Variants in IFIH1 observed in about 807,000 individuals in gnomAD.
IFIH1 encodes interferon induced with helicase C domain 1, also known as interferon-induced helicase C domain-containing protein 1.
Under a neutral mutation model 107.4 loss-of-function variants are expected in IFIH1, and 125 were observed. The ratio of observed to expected loss-of-function variants is 1.16; its 90% CI spans 1.01 to 1.35. The LOEUF is 1.35. IFIH1 is among the 40% of genes most tolerant of loss of function. The probability of loss-of-function intolerance (pLI) is 0.00; values close to 1 mark genes in which losing one functional copy is unlikely to be tolerated. For missense variants in IFIH1, 1,333 were observed against 1,213.7 expected (o/e 1.10, Z -1.46); for synonymous variants, 458 against 413.2 (o/e 1.11, Z -1.31).
chr2:162,316,898 TA>T (rs1240975213), intron 1 of IFIH1, among the ~76,000 whole-genome samples: 1 of 152,152 alleles, frequency 6.6e-6, no homozygotes, highest in African/African-American at 2.4e-5. Flanking sequence ...AATGCTACCT[TA>T]AGAAAAATGA....
At position 162,277,463 on chromosome 2, in the gene IFIH1, G is replaced by C. The variant is rs376074455; in HGVS notation, c.1996C>G (p.Pro666Ala). ...GDEDEDDLKK[P>A]LKLDETDRFL... ...CTATCTGTTTCATCCAGTTTCAAAGGTTTCTTTAAATCATCCTCATCTTCA... is the reference window on the plus strand; with the variant it reads ...CTATCTGTTTCATCCAGTTTCAAAGCTTTCTTTAAATCATCCTCATCTTCA... Residue 666 changes from proline to alanine, a missense_variant, in exon 10 of 16, where the codon CCT becomes GCT. By Grantham distance (27) the Pro-to-Ala change is conservative. Coordinates refer to ENST00000649979, the MANE Select transcript of IFIH1 (RefSeq NM_022168.4). 1.2e-6 allele frequency: 2 copies of C among 1,608,618 alleles called. No homozygotes were observed. The highest frequency in any genetic ancestry group is 1.7e-6 in the Non-Finnish European group (2 of 1,176,152).
intron 3 of IFIH1, among the ~76,000 whole-genome samples, chr2:162,299,734 A>AGT (rs977868761): frequency 1.3e-5 from 2 of 152,026 alleles, no homozygotes; most frequent in African/African-American, 2.4e-5. Flanking sequence ...TACTTTTAAA[A>AGT]GTGTGTGTGT....
chr2:162,297,811 T>C (rs1683119455), intron 3 of IFIH1, among the ~76,000 whole-genome samples: 1 of 152,092 alleles, frequency 6.6e-6, no homozygotes, highest in East Asian at 1.9e-4. Context: ...TTTCATAATT[T>C]TGTAAACAAC....
intron 1 of IFIH1, among the ~76,000 whole-genome samples, chr2:162,316,626 A>AT (rs1463863922): frequency 6.6e-6 from 1 of 152,186 alleles, no homozygotes; most frequent in Non-Finnish European, 1.5e-5. Context: ...TTGTATGAAT[A>AT]TACAAACAAT....
At chr2:162,294,169 T>C (rs1683045652) in intron 3 of IFIH1, among the ~76,000 whole-genome samples, 1 of 152,020 alleles carries the variant, frequency 6.6e-6, no homozygotes, top group East Asian at 1.9e-4. Flanking sequence ...CAAAGAGAAT[T>C]TGTTCAAAAA....
chr2:162,270,375 C>A (rs997877217), intron 13 of IFIH1, among the ~76,000 whole-genome samples: 2 of 152,174 alleles, frequency 1.3e-5, no homozygotes, highest in African/African-American at 2.4e-5. Context: ...CAATTCTCAT[C>A]ATTCATTAGT....
intron 3 of IFIH1, among the ~76,000 whole-genome samples, chr2:162,305,420 A>G (rs776124266): frequency 6.6e-6 from 1 of 151,968 alleles, no homozygotes; most frequent in African/African-American, 2.4e-5. Flanking sequence ...AAATACAAAA[A>G]TTAGCCGGGC....
Position 162,318,565 on chromosome 2 carries a change from A to G in IFIH1, c.-258T>C, listed in dbSNP as rs2105239305. The G allele has an allele frequency of 4.0e-6, 1 of 248,294 alleles. No homozygotes were observed. Among genetic ancestry groups the G allele is most frequent in the East Asian group, 8.6e-5 (1 of 11,680 alleles). 15.4% of individuals were successfully genotyped at this position (248,294 alleles called of 1,614,324 possible). On this transcript the variant is annotated 5_prime_UTR_variant, in exon 1 of 16. Transcript: ENST00000649979. ...GCCGCGGCAGGCAGGTGCGGCCGGC[A>G]GGCGCGGCACTTTGGACTCTGCGGT...
chr2:162,306,985 A>G (rs1363854644), intron 2 of IFIH1, 130 bp from the exon 3 acceptor site: 2 of 681,748 alleles, frequency 2.9e-6, no homozygotes, highest in South Asian at 2.0e-5. Context: ...ATATTTAAAT[A>G]CTTTGAAGTT....
intron 2 of IFIH1, 24 bp downstream of exon 2, chr2:162,310,741 C>T: frequency 6.3e-7 from 1 of 1,598,236 alleles, no homozygotes; most frequent in Non-Finnish European, 8.6e-7. Context: ...TTTGAAGAAT[C>T]TTCCTCAGTA....
chr2:162,306,651 A>T, intron 3 of IFIH1, 58 bp downstream of exon 3: 2 of 1,410,262 alleles, frequency 1.4e-6, no homozygotes, highest in Non-Finnish European at 2.0e-6. Flanking sequence ...GGTTCTGCCC[A>T]GTTGGTTTTT....
At chr2:162,314,396 C>CTCCT (rs759473999) in intron 1 of IFIH1, among the ~76,000 whole-genome samples, 4 of 66,704 alleles carry the variant, frequency 6.0e-5, no homozygotes, top group South Asian at 1.2e-3. Context: ...CCCTCCCTCC[C>CTCCT]TCCTTTCTTT....
Position 162,285,931 on chromosome 2 carries a change from A to AACTG in IFIH1, c.1095+2200_1095+2203dup, listed in dbSNP as rs371848533. Among the ~76,000 whole-genome samples the AACTG allele has an allele frequency of 2.5e-3, 380 of 152,146 alleles. 1 individual carries two copies. Among genetic ancestry groups the AACTG allele is most frequent in the African/African-American group, 8.6e-3 (358 of 41,542 alleles). ...TTTAAGAGATTTTCAAATAAAAAGG[A>AACTG]ACTGAGGATTTTGATTCTATGACAA... On this transcript the variant is annotated intron_variant, in intron 5 of 15. Transcript: ENST00000649979.
At position 162,318,022 on chromosome 2, in the gene IFIH1, T is replaced by A; in HGVS notation, c.286A>T (p.Asn96Tyr). The A allele has an allele frequency of 6.2e-7, 1 of 1,614,186 alleles. No homozygotes were observed. The highest frequency in any genetic ancestry group is 1.3e-5 in the African/African-American group (1 of 75,054). ...TGSPLAARYM[N>Y]PELTDLPSPS... The stretch of plus-strand genomic sequence containing the variant: ...GAGGGCAAGTCCGTGAGCTCAGGGT[T>A]CATGTAGCGGGCGGCCAGAGGGCTG... Residue 96 changes from asparagine (N) to tyrosine (Y), a missense_variant, in exon 1 of 16, where the codon AAC (asparagine) becomes TAC (tyrosine). Transcript: ENST00000649979.
At chr2:162,298,719 T>A (rs981695018) in intron 3 of IFIH1, among the ~76,000 whole-genome samples, 4 of 152,138 alleles carry the variant, frequency 2.6e-5, no homozygotes, top group Admixed American at 1.3e-4. Flanking sequence ...TTAATCTTTT[T>A]TGAGAGGAAA....
In IFIH1 at chr2:162,268,247, C is replaced by G. The variant is rs1481256564; in HGVS notation, c.2647G>C (p.Glu883Gln). 1.2e-6 allele frequency: 2 copies of G among 1,610,538 alleles called. No individual in the cohort carries two copies. Among genetic ancestry groups the G allele is most frequent in the East Asian group, 4.5e-5 (2 of 44,822 alleles). ...TTTCTCTTGGTTTTCATTTTCTTTT[C>G]CATTATACTTTGCATCTGTAATTCC... ...ILELQMQSIMEKKMKTKRNIA... is the reference protein window; with the variant it reads ...ILELQMQSIMQKKMKTKRNIA... Residue 883 changes from glutamate (E) to glutamine (Q), a missense_variant, in exon 14 of 16, where the codon GAA becomes CAA. By Grantham distance (29) the Glu-to-Gln change is conservative (BLOSUM62 2). Transcript: ENST00000649979.
intron 3 of IFIH1, among the ~76,000 whole-genome samples, chr2:162,300,788 T>C (rs1460639730): frequency 6.6e-6 from 1 of 152,200 alleles, no homozygotes; most frequent in African/African-American, 2.4e-5. Flanking sequence ...TCAATTATTT[T>C]TTTCCACTTA....
At chr2:162,271,106 C>A (rs1202316574) in intron 13 of IFIH1, among the ~76,000 whole-genome samples, 1 of 152,136 alleles carries the variant, frequency 6.6e-6, no homozygotes, top group Non-Finnish European at 1.5e-5. Context: ...TACATTCTTT[C>A]TTCACTGCAT....
intron 11 of IFIH1, among the ~76,000 whole-genome samples, chr2:162,275,607 A>G (rs1691137026): frequency 6.6e-6 from 1 of 152,214 alleles, no homozygotes; most frequent in Non-Finnish European, 1.5e-5. Context: ...AACCATTTCA[A>G]GAATTTTTTT....
Sources: allele counts gnomAD v4.1 joint callset (sites outside exome capture counted in the v4.1 genomes callset), GRCh38; gene constraint gnomAD v4.1.1; transcripts MANE v1.5; gene names NCBI Gene and HGNC (gene_info 2026-07-23, HGNC 2026-07-21).